HOOK1: variants seen among roughly 807,000 people sequenced by gnomAD.
HOOK1 encodes the protein hook microtubule tethering protein 1.
HOOK1 carries 60 observed loss-of-function variants against 112.8 expected under a neutral mutation model. The observed-to-expected ratio is 0.53, with a 90% CI of 0.43 to 0.66. HOOK1 has a LOEUF of 0.66. Among genes scored for constraint, HOOK1 ranks in the 30% least tolerant of loss-of-function variants. The pLI, the probability that HOOK1 is intolerant of heterozygous loss-of-function variation, is 0.00. For missense variants in HOOK1, 770 were observed against 856.0 expected (o/e 0.90, Z 1.25); for synonymous variants, 294 against 283.8 (o/e 1.04, Z -0.36).
chr1:59,858,927 G>A, intron 13 of HOOK1, 58 bp from the exon 14 acceptor site: 1 of 992,472 alleles, frequency 1.0e-6, no homozygotes, highest in Non-Finnish European at 1.6e-6. Context: ...GAAGGAGGGA[G>A]GGTTTTTTAA....
In HOOK1 at chr1:59,855,960, AAAT is replaced by A. The variant is rs1302576024; in HGVS notation, c.1243-2467_1243-2465del. 5.1e-3 allele frequency among the ~76,000 whole-genome samples: 507 copies of A among 99,974 alleles called. 13 individuals carry two copies. The highest frequency in any genetic ancestry group is 0.021 in the African/African-American group (430 of 20,540). 65.6% of individuals were successfully genotyped at this position (99,974 alleles called of 152,430 possible). ...AGCTAATTTATATATATATATATAT[AAAT>A]TATTATATATATATATATATATTTT... is the stretch of plus-strand genomic sequence containing the variant. On this transcript the variant is annotated intron_variant, in intron 12 of 21. Transcript: ENST00000371208.
chr1:59,831,868 A>G (rs1225139791), intron 3 of HOOK1, among the ~76,000 whole-genome samples: 1 of 152,176 alleles, frequency 6.6e-6, no homozygotes, highest in Non-Finnish European at 1.5e-5. Flanking sequence ...AGGAGAGAAA[A>G]TCAAAACCCA....
rs1011037152 is a variant in HOOK1 at position 59,815,165 on chromosome 1, C to T, written c.48C>T (p.Asp16=). Residue 16 remains aspartate (D), a synonymous_variant, in exon 1 of 22, where the codon GAC becomes GAT. Transcript: ENST00000371208. ...CGCAGCCTAAGCTGCCCCTGTGCGA[C>T]AGCCTCATGATCTGGGTGAGTGCGA... is the stretch of plus-strand genomic sequence containing the variant. ...PPPQPKLPLC[D]SLMIWLQTFN... is the part of the protein sequence containing the mutation. 1.2e-5 allele frequency: 18 copies of T among 1,543,958 alleles called. No homozygotes were observed. Among genetic ancestry groups the T allele is most frequent in the African/African-American group, 2.7e-5 (2 of 72,986 alleles).
Position 59,862,874 on chromosome 1 carries a change from A to T in HOOK1, c.1623A>T (p.Glu541Asp), listed in dbSNP as rs563041756. 5 of 1,559,034 alleles carry T rather than the reference A, an allele frequency of 3.2e-6. No homozygotes were observed. The African/African-American group carries it at 6.8e-5, about 21-fold the overall frequency. ...AACAAGGTTCCAAGTCTGAAGGCGA[A>T]AGTGTAAGTAACTTAGAAATTATAA... ...LQEQGSKSEGESSSKLKQKLE... is the reference protein window; with the variant it reads ...LQEQGSKSEGDSSSKLKQKLE... The change falls in exon 16 of 22, where the codon GAA becomes GAT. Residue 541 changes from glutamate to aspartate, a missense_variant. By Grantham distance (45) the Glu-to-Asp change is conservative. Coordinates refer to ENST00000371208, the MANE Select transcript of HOOK1 (RefSeq NM_015888.6).
At chr1:59,848,149 G>A (rs1291737851) in intron 10 of HOOK1, among the ~76,000 whole-genome samples, 166 bp from the exon 11 acceptor site, 1 of 151,630 alleles carries the variant, frequency 6.6e-6, no homozygotes, top group Non-Finnish European at 1.5e-5. Flanking sequence ...GCTAGAGTCT[G>A]TTTCCAAAGT....
chr1:59,854,265 T>A (rs1260016591), intron 12 of HOOK1, among the ~76,000 whole-genome samples: 1 of 151,220 alleles, frequency 6.6e-6, no homozygotes, highest in Non-Finnish European at 1.5e-5. Flanking sequence ...TTGGTCAGGC[T>A]GGTCTCAAAC....
At chr1:59,863,824 GAAA>G in intron 16 of HOOK1, 6 of 963,058 alleles carry the variant, frequency 6.2e-6, no homozygotes, top group Non-Finnish European at 6.2e-6. Context: ...TTGGAAAATA[GAAA>G]TCGTCTCATG....
At chr1:59,870,494 A>G (rs1644039594) in intron 20 of HOOK1, among the ~76,000 whole-genome samples, 1 of 152,194 alleles carries the variant, frequency 6.6e-6, no homozygotes, top group Admixed American at 6.5e-5. Context: ...AGATAATAGT[A>G]CTTATATAAA....
chr1:59,818,516 T>C (rs559280195), intron 1 of HOOK1, among the ~76,000 whole-genome samples: 2 of 152,366 alleles, frequency 1.3e-5, no homozygotes, highest in African/African-American at 4.8e-5. Context: ...ATCATTTACA[T>C]GTTGGAGGAC....
In HOOK1 at chr1:59,875,691, C is replaced by G. The variant is rs969067948; in HGVS notation, c.*2726C>G. ...AATGATCTTCAATGTTAAGCACTTG[C>G]TCTAAGATTAAAATTCCTTTTCTTT... is the stretch of plus-strand genomic sequence containing the variant. On this transcript the variant is annotated 3_prime_UTR_variant, in exon 22 of 22. Coordinates refer to ENST00000371208, the MANE Select transcript of HOOK1 (RefSeq NM_015888.6). 1 of 152,300 alleles carries G rather than the reference C, an allele frequency of 6.6e-6. No homozygotes were observed. The highest frequency in any genetic ancestry group is 1.9e-4 in the East Asian group (1 of 5,178). The allele number at this position is 152,300 out of a possible 1,614,324, so 9.4% of individuals were successfully genotyped here. A position where few individuals can be genotyped will look rare whatever the true frequency, so the allele number is the denominator to read the frequency against.
At chr1:59,847,244 G>T in intron 10 of HOOK1, 59 bp downstream of exon 10, 3 of 1,391,264 alleles carry the variant, frequency 2.2e-6, no homozygotes, top group Non-Finnish European at 3.0e-6. Flanking sequence ...GTCAATTTGA[G>T]TATTTCATAT....
At chr1:59,857,085 T>G (rs996666932) in intron 12 of HOOK1, among the ~76,000 whole-genome samples, 1 of 152,194 alleles carries the variant, frequency 6.6e-6, no homozygotes, top group African/African-American at 2.4e-5. Flanking sequence ...TGCTGATGAT[T>G]CTATTTGCCA....
chr1:59,861,213 A>G (rs2098413434), intron 15 of HOOK1, among the ~76,000 whole-genome samples: 2 of 152,188 alleles, frequency 1.3e-5, no homozygotes, highest in African/African-American at 4.8e-5. Context: ...TGTCTGGCCC[A>G]CCAGGCTACT....
At position 59,847,148 on chromosome 1, in the gene HOOK1, G is replaced by C. The variant is rs1399004859; in HGVS notation, c.892G>C (p.Glu298Gln). 6.2e-7 allele frequency: 1 copy of C among 1,605,454 alleles called. No homozygotes were observed. The highest frequency in any genetic ancestry group is 1.1e-5 in the South Asian group (1 of 89,592). The change falls in exon 10 of 22, where the codon GAA (glutamate) becomes CAA (glutamine). Residue 298 changes from glutamate (E) to glutamine (Q), a missense_variant. By Grantham distance (29) the Glu-to-Gln change is conservative. Transcript: ENST00000371208. Reference protein sequence around the residue: ...RNDELTSLAEETRALKDEIDV... With the variant: ...RNDELTSLAEQTRALKDEIDV... ...TGATGAATTGACTAGTCTTGCAGAA[G>C]AAACAAGAGCCCTGAAAGATGAAAT...
intron 9 of HOOK1, among the ~76,000 whole-genome samples, chr1:59,846,215 T>C (rs989743613): frequency 7.9e-5 from 12 of 151,814 alleles, no homozygotes; most frequent in African/African-American, 2.9e-4. Flanking sequence ...TTTATCGACA[T>C]GAAGTTGTTC....
chr1:59,815,934 C>T (rs112698172), intron 1 of HOOK1, among the ~76,000 whole-genome samples: 4 of 152,006 alleles, frequency 2.6e-5, no homozygotes, highest in African/African-American at 9.6e-5. Context: ...CATATCTGTC[C>T]CCAGATTGTT....
At chr1:59,836,323 G>A (rs1380459097) in intron 6 of HOOK1, among the ~76,000 whole-genome samples, 1 of 152,080 alleles carries the variant, frequency 6.6e-6, no homozygotes, top group Non-Finnish European at 1.5e-5. Context: ...CTTTGGAAGG[G>A]GCATGACTTA....
intron 19 of HOOK1, among the ~76,000 whole-genome samples, chr1:59,866,536 A>T (rs1643971511): frequency 6.6e-6 from 1 of 152,164 alleles, no homozygotes; most frequent in African/African-American, 2.4e-5. Context: ...AGTCATTCAG[A>T]GTCCTAAGCT....
At chr1:59,825,357 C>G (rs995747144) in intron 2 of HOOK1, among the ~76,000 whole-genome samples, 5 of 152,132 alleles carry the variant, frequency 3.3e-5, no homozygotes, top group Non-Finnish European at 7.4e-5. Flanking sequence ...TTCCTATTGT[C>G]TTTGACTAAA....
Sources: allele counts gnomAD v4.1 joint callset (sites outside exome capture counted in the v4.1 genomes callset), GRCh38; gene constraint gnomAD v4.1.1; transcripts MANE v1.5; gene names NCBI Gene and HGNC (gene_info 2026-07-23, HGNC 2026-07-21).